Variants in ELMO1 observed in about 807,000 individuals in gnomAD.
ELMO1 encodes engulfment and cell motility protein 1.
A neutral mutation model predicts 98.9 loss-of-function variants in ELMO1; 26 were observed. The observed-to-expected ratio is 0.26, with a 90% CI of 0.19 to 0.36. The LOEUF (loss-of-function observed/expected upper bound fraction) is 0.36, where lower values mean the gene tolerates loss of function less well. Ranked by LOEUF, ELMO1 falls within the 10% of genes least tolerant of loss-of-function variation. The pLI, the probability that ELMO1 is intolerant of heterozygous loss-of-function variation, is 1.00. For synonymous variants in ELMO1, 346 were observed against 346.0 expected (o/e 1.00, Z 0.00); for missense variants, 627 against 935.2 (o/e 0.67, Z 4.30).
intron 16 of ELMO1, among the ~76,000 whole-genome samples, chr7:36,991,422 G>A (rs1031633693): frequency 6.6e-6 from 1 of 152,228 alleles, no homozygotes; most frequent in African/African-American, 2.4e-5. Context: ...CTGGCTCAGT[G>A]AAACTACTTT....
chr7:37,142,553 G>C (rs7787299), intron 13 of ELMO1, among the ~76,000 whole-genome samples: 137,612 of 152,292 alleles, frequency 0.9, 62,342 homozygotes, highest in Non-Finnish European at 0.94. Flanking sequence ...TCTCAACTAT[G>C]TTTTGTTCCT....
At chr7:36,861,528 A>G in intron 21 of ELMO1, 131 bp downstream of exon 21, 1 of 1,021,202 alleles carries the variant, frequency 9.8e-7, no homozygotes, top group Middle Eastern at 2.3e-4. Context: ...ATTCTCCTCC[A>G]AGTCAGCAAG....
intron 13 of ELMO1, among the ~76,000 whole-genome samples, chr7:37,138,679 T>C (rs1404701304): frequency 2.0e-5 from 3 of 152,196 alleles, no homozygotes; most frequent in Non-Finnish European, 4.4e-5. Context: ...ATTGACACTA[T>C]TCCAAAAGAT....
intron 1 of ELMO1, among the ~76,000 whole-genome samples, chr7:37,345,547 TA>T (rs1040723924): frequency 2.0e-5 from 3 of 151,954 alleles, no homozygotes; most frequent in African/African-American, 7.3e-5. Context: ...TCATCTCTAC[TA>T]AAAAATACAA....
intron 14 of ELMO1, among the ~76,000 whole-genome samples, chr7:37,102,313 C>G (rs951279117): frequency 6.6e-6 from 1 of 152,176 alleles, no homozygotes; most frequent in Non-Finnish European, 1.5e-5. Context: ...GGGGGCTGCA[C>G]AAGAAGTTAA....
intron 14 of ELMO1, chr7:37,116,940 C>A: frequency 4.7e-6 from 1 of 212,336 alleles, no homozygotes. Context: ...AGGCTACATC[C>A]TGCATCTGAT....
chr7:36,964,978 A>AC (rs924557498), intron 16 of ELMO1, among the ~76,000 whole-genome samples: 3 of 151,230 alleles, frequency 2.0e-5, no homozygotes, highest in South Asian at 4.2e-4. Flanking sequence ...GGCCACTATC[A>AC]CCCCCCGCAT....
intron 5 of ELMO1, among the ~76,000 whole-genome samples, chr7:37,261,081 T>A (rs886670069): frequency 1.3e-5 from 2 of 152,252 alleles, no homozygotes; most frequent in African/African-American, 4.8e-5. Flanking sequence ...TTCATTGTCA[T>A]TATTAATGCT....
intron 16 of ELMO1, among the ~76,000 whole-genome samples, chr7:36,995,350 G>A (rs1294739265): frequency 6.6e-6 from 1 of 151,952 alleles, no homozygotes; most frequent in Non-Finnish European, 1.5e-5. Flanking sequence ...TCTACTAGAA[G>A]TACAAAAATT....
chr7:36,978,810 T>C (rs1227378518), intron 16 of ELMO1, among the ~76,000 whole-genome samples: 1 of 152,182 alleles, frequency 6.6e-6, no homozygotes, highest in South Asian at 2.1e-4. Flanking sequence ...ACCCTAGAAA[T>C]AGGTTTCCAA....
intron 4 of ELMO1, among the ~76,000 whole-genome samples, chr7:37,307,881 G>C (rs1562600468): frequency 6.6e-6 from 1 of 152,180 alleles, no homozygotes; most frequent in African/African-American, 2.4e-5. Flanking sequence ...GGAGGCCGAG[G>C]CGGGCAGATT....
chr7:37,254,746 G>T (rs952712688), intron 6 of ELMO1, among the ~76,000 whole-genome samples: 1 of 152,198 alleles, frequency 6.6e-6, no homozygotes, highest in Admixed American at 6.5e-5. Context: ...ATCACTGATC[G>T]AAATGTTCTT....
intron 15 of ELMO1, among the ~76,000 whole-genome samples, chr7:37,058,793 G>C (rs1796521709): frequency 6.6e-6 from 1 of 152,134 alleles, no homozygotes; most frequent in Non-Finnish European, 1.5e-5. Flanking sequence ...AGAGTACTTG[G>C]TTAAAGGACT....
At chr7:37,117,537 T>C (rs78305301) in intron 14 of ELMO1, among the ~76,000 whole-genome samples, 13,034 of 152,288 alleles carry the variant, frequency 0.086, 590 homozygotes, top group Middle Eastern at 0.13. Flanking sequence ...TTCAAATCAC[T>C]GGCTTTGGAA....
At chr7:37,259,566 G>A (rs1182172357) in intron 5 of ELMO1, among the ~76,000 whole-genome samples, 1 of 152,134 alleles carries the variant, frequency 6.6e-6, no homozygotes, top group Non-Finnish European at 1.5e-5. Flanking sequence ...GGAAGCAGTT[G>A]CATTCTTCTC....
At chr7:36,910,470 G>A (rs986559424) in intron 16 of ELMO1, among the ~76,000 whole-genome samples, 2 of 152,202 alleles carry the variant, frequency 1.3e-5, no homozygotes, top group African/African-American at 4.8e-5. Context: ...GGAGTAAGGG[G>A]AGTGGTTAGA....
chr7:37,291,044 C>A (rs1048679266), intron 4 of ELMO1, among the ~76,000 whole-genome samples: 2 of 152,046 alleles, frequency 1.3e-5, no homozygotes, highest in Non-Finnish European at 2.9e-5. Context: ...AAATAGAGAG[C>A]CACAGAAACC....
At chr7:37,306,103 T>A (rs957076041) in intron 4 of ELMO1, among the ~76,000 whole-genome samples, 2 of 152,188 alleles carry the variant, frequency 1.3e-5, no homozygotes, top group Non-Finnish European at 2.9e-5. Context: ...TGTCCTGAAA[T>A]GGCAGTCATT....
chr7:36,951,606 G>A (rs1787974813), intron 16 of ELMO1, among the ~76,000 whole-genome samples: 1 of 152,160 alleles, frequency 6.6e-6, no homozygotes, highest in Non-Finnish European at 1.5e-5. Context: ...TAGGGTCTGA[G>A]AATCTGCATT....
Sources: allele counts gnomAD v4.1 joint callset (sites outside exome capture counted in the v4.1 genomes callset), GRCh38; gene constraint gnomAD v4.1.1; transcripts MANE v1.5; gene names NCBI Gene and HGNC (gene_info 2026-07-23, HGNC 2026-07-21).